ABLIM2: variants seen among roughly 807,000 people sequenced by gnomAD.
The protein encoded by ABLIM2 is actin-binding LIM protein 2.
In ABLIM2, 53 loss-of-function variants were observed where a neutral mutation model predicts 97.7. That is an observed-to-expected ratio of 0.54 (90% CI 0.44 to 0.68). The LOEUF is 0.68. ABLIM2 is among the 30% of genes least tolerant of loss of function. The probability of loss-of-function intolerance (pLI) is 0.00; values close to 1 mark genes in which losing one functional copy is unlikely to be tolerated. For synonymous variants in ABLIM2, 361 were observed against 345.8 expected, an observed-to-expected ratio of 1.04 and a Z score of -0.49; for missense variants, 835 against 867.2, an observed-to-expected ratio of 0.96 and a Z score of 0.47.
chr4:8,055,171 C>T (rs1190977168), intron 7 of ABLIM2, among the ~76,000 whole-genome samples: 1 of 152,150 alleles, frequency 6.6e-6, no homozygotes, highest in Admixed American at 6.5e-5. Flanking sequence ...TGAGTTGCTG[C>T]ATACAAATGT....
In ABLIM2 at chr4:8,116,044, C is replaced by T. The variant is rs75824001; in HGVS notation, c.11-9407G>A. On this transcript the variant is annotated intron_variant, in intron 1 of 20. Coordinates refer to ENST00000447017, the MANE Select transcript of ABLIM2 (RefSeq NM_001130083.2). ...CAAAGACGCCTGTGGAGGATTCTGG[C>T]TCCCAGCTCTTGAGTCACTCTCAGC... Among the ~76,000 whole-genome samples the T allele has an allele frequency of 4.2e-3, 637 of 152,336 alleles. 4 individuals carry two copies. Among genetic ancestry groups the T allele is most frequent in the Non-Finnish European group, 7.3e-3 (495 of 68,028 alleles).
intron 5 of ABLIM2, among the ~76,000 whole-genome samples, chr4:8,078,042 T>C (rs1343816486): frequency 1.3e-5 from 2 of 152,212 alleles, no homozygotes; most frequent in African/African-American, 4.8e-5. Flanking sequence ...GGCTCTTCTT[T>C]CTGGCTCCTT....
chr4:8,073,253 A>G (rs1188721902), intron 6 of ABLIM2, among the ~76,000 whole-genome samples: 1 of 151,094 alleles, frequency 6.6e-6, no homozygotes, highest in African/African-American at 2.4e-5. Context: ...GGCAAGGGAG[A>G]GAGTCAGGAT....
chr4:7,987,405 G>A (rs1389814227), intron 17 of ABLIM2, among the ~76,000 whole-genome samples: 2 of 152,210 alleles, frequency 1.3e-5, no homozygotes, highest in Non-Finnish European at 2.9e-5. Context: ...TTACAGGTGT[G>A]AGCCACCATG....
Position 8,032,587 on chromosome 4 carries a change from T to G in ABLIM2, c.1048-2811A>C. On this transcript the variant is annotated intron_variant, in intron 10 of 20. Transcript: ENST00000447017. The surrounding 1 kb of genome is among the most constrained non-coding windows in gnomAD (Gnocchi z 4.3). ...TCCCGGGAGTGCGGCTGGGTGGTTA[T>G]GTTTATAACCCAGGCAGCAGCGCCA... The G allele has an allele frequency of 3.7e-6, 6 of 1,607,618 alleles. No homozygotes were observed. In the Admixed American group the frequency reaches 1.0e-4, roughly 27 times the overall value.
intron 8 of ABLIM2, among the ~76,000 whole-genome samples, chr4:8,052,296 A>G (rs535139874): frequency 6.6e-6 from 1 of 152,116 alleles, no homozygotes; most frequent in African/African-American, 2.4e-5. Context: ...GGATCTCACA[A>G]ATGGTGCGGG....
intron 1 of ABLIM2, among the ~76,000 whole-genome samples, chr4:8,143,172 C>CGT (rs1851293863): frequency 1.7e-5 from 2 of 118,716 alleles, no homozygotes; most frequent in Non-Finnish European, 3.4e-5. Flanking sequence ...GGGGGGGGGG[C>CGT]GTCTGCAAAT....
At chr4:8,047,409 C>T (rs1793274180) in intron 8 of ABLIM2, among the ~76,000 whole-genome samples, 1 of 152,088 alleles carries the variant, frequency 6.6e-6, no homozygotes, top group African/African-American at 2.4e-5. Context: ...CCTCCTCTTC[C>T]TCCTCTATGA....
intron 1 of ABLIM2, among the ~76,000 whole-genome samples, chr4:8,143,582 A>G (rs542682908): frequency 1.6e-4 from 24 of 151,524 alleles, no homozygotes; most frequent in Non-Finnish European, 3.5e-4. Context: ...GTTGGATGTC[A>G]CCTCCTTCAG....
chr4:8,013,219 C>CTTTTTTTTTT (rs60424207), intron 14 of ABLIM2, among the ~76,000 whole-genome samples: 1 of 110,596 alleles, frequency 9.0e-6, no homozygotes, highest in Non-Finnish European at 1.8e-5. Flanking sequence ...AACATTTTTC[C>CTTTTTTTTTT]TTTTTTTTTT....
At chr4:8,106,704 G>A in intron 1 of ABLIM2, 67 bp from the exon 2 acceptor site, 1 of 1,524,880 alleles carries the variant, frequency 6.6e-7, no homozygotes, top group Non-Finnish European at 8.8e-7. Context: ...GAGCAAAGCA[G>A]GCGTGTGAGG....
At chr4:7,980,938 C>CTTCTTTTTTTTTTTTTTTTTTT (rs1255215577) in intron 20 of ABLIM2, among the ~76,000 whole-genome samples, 1 of 38,496 alleles carries the variant, frequency 2.6e-5, no homozygotes, top group Non-Finnish European at 5.4e-5. Context: ...TCCACAACCC[C>CTTCTTTTTTTTTTTTTTTTTTT]TTATTTTTTT....
At chr4:8,073,698 A>G (rs1813927925) in intron 6 of ABLIM2, among the ~76,000 whole-genome samples, 2 of 152,364 alleles carry the variant, frequency 1.3e-5, no homozygotes, top group Non-Finnish European at 2.9e-5. Context: ...CTGCAGCCTT[A>G]TGTGATCCAC....
In ABLIM2 at chr4:8,097,205, G is replaced by A. The variant is rs1832084567; in HGVS notation, c.232C>T (p.Leu78Phe). Residue 78 changes from leucine to phenylalanine, a missense_variant, in exon 3 of 21, where the codon CTC becomes TTC. By Grantham distance (22) the Leu-to-Phe change is conservative. Transcript: ENST00000447017. ...EYICTLDYQR[L>F]YGTRCFSCDQ... ...CAGCTGAAGCAGCGGGTGCCGTAGAGCCTCTGGTAGTCCAGCGTGCAGATG... is the reference window on the plus strand; with the variant it reads ...CAGCTGAAGCAGCGGGTGCCGTAGAACCTCTGGTAGTCCAGCGTGCAGATG... 6.3e-7 allele frequency: 1 copy of A among 1,591,898 alleles called. No individual in the cohort carries two copies. Among genetic ancestry groups the A allele is most frequent in the South Asian group, 1.1e-5 (1 of 87,446 alleles).
At chr4:8,102,467 G>A (rs1053261320) in intron 2 of ABLIM2, among the ~76,000 whole-genome samples, 2 of 152,146 alleles carry the variant, frequency 1.3e-5, no homozygotes, top group Admixed American at 1.3e-4. Context: ...TCCCCATAAC[G>A]GGATGTCTGT....
At chr4:8,013,715 G>A (rs1021162458) in intron 14 of ABLIM2, among the ~76,000 whole-genome samples, 1 of 152,152 alleles carries the variant, frequency 6.6e-6, no homozygotes, top group South Asian at 2.1e-4. Flanking sequence ...TCAGACTCAG[G>A]GCTGCATCGC....
intron 1 of ABLIM2, 38 bp downstream of exon 1, chr4:8,158,642 C>T (rs1358279440): frequency 6.6e-6 from 10 of 1,504,934 alleles, no homozygotes; most frequent in Non-Finnish European, 8.8e-6. Context: ...CGCGAGCCAG[C>T]GCGGGGACCC....
chr4:7,979,060 C>G (rs1354758153), intron 20 of ABLIM2, among the ~76,000 whole-genome samples: 1 of 152,258 alleles, frequency 6.6e-6, no homozygotes, highest in Non-Finnish European at 1.5e-5. Context: ...CTGGTGCTGT[C>G]TGGACCCACA....
At chr4:8,070,586 G>A (rs911704227) in intron 6 of ABLIM2, among the ~76,000 whole-genome samples, 7 of 152,094 alleles carry the variant, frequency 4.6e-5, no homozygotes, top group African/African-American at 1.7e-4. Flanking sequence ...CAAATGTCCC[G>A]CAATTGCAAG....
Sources: gnomAD v4.1 joint callset for allele counts (sites outside exome capture counted in the v4.1 genomes callset) on GRCh38, gnomAD v4.1.1 for gene constraint, Gnocchi (gnomAD v3.1) non-coding constraint, MANE v1.5 for transcripts, NCBI Gene and HGNC (gene_info 2026-07-23, HGNC 2026-07-21) for gene names.